The following ANXA8 variants were observed in gnomAD, a reference collection of about 807,000 sequenced individuals.
The protein encoded by ANXA8 is annexin A8.
Under a neutral mutation model 26.8 loss-of-function variants are expected in ANXA8, and 9 were observed. The ratio of observed to expected loss-of-function variants is 0.34; its 90% CI spans 0.20 to 0.59. The LOEUF (loss-of-function observed/expected upper bound fraction) is 0.59. ANXA8 is among the 20% of genes least tolerant of loss of function. ANXA8 has a pLI of 0.84. For synonymous variants in ANXA8, 39 were observed against 94.8 expected, an observed-to-expected ratio of 0.41 and a Z score of 3.42; for missense variants, 83 against 238.5, an observed-to-expected ratio of 0.35 and a Z score of 4.29.
the ANXA8 span, among the ~76,000 whole-genome samples, chr10:47,743,331 T>C: frequency 0.027 from 2,109 of 79,580 alleles, 173 homozygotes; most frequent in African/African-American, 0.056. Flanking sequence ...TATATATACA[T>C]ATATATATAC....
chr10:47,653,702 G>A, the ANXA8 span, among the ~76,000 whole-genome samples: 21 of 149,162 alleles, frequency 1.4e-4, no homozygotes, highest in African/African-American at 5.4e-4. Flanking sequence ...CTGGAGTGCA[G>A]TGGTGCGATC....
chr10:47,702,388 T>G, the ANXA8 span, among the ~76,000 whole-genome samples: 1 of 150,920 alleles, frequency 6.6e-6, no homozygotes, highest in South Asian at 2.1e-4. Flanking sequence ...TCACCCAGTC[T>G]GGAGTGCAGT....
the ANXA8 span, among the ~76,000 whole-genome samples, chr10:47,665,568 T>C: frequency 6.7e-6 from 1 of 150,102 alleles, no homozygotes; most frequent in Non-Finnish European, 1.5e-5. Context: ...AGGCAGGTAC[T>C]GTGTTATATG....
the ANXA8 span, among the ~76,000 whole-genome samples, chr10:47,624,197 G>A: frequency 1.5e-4 from 14 of 90,668 alleles, 2 homozygotes; most frequent in African/African-American, 5.1e-4. Flanking sequence ...AGCCGAGATC[G>A]CGCCACTGCC....
chr10:47,633,785 T>C, the ANXA8 span, among the ~76,000 whole-genome samples: 1 of 150,024 alleles, frequency 6.7e-6, no homozygotes, highest in African/African-American at 2.5e-5. Flanking sequence ...ACTTTAGATT[T>C]ATACCTAACA....
At chr10:47,695,681 T>C in the ANXA8 span, among the ~76,000 whole-genome samples, 2 of 151,856 alleles carry the variant, frequency 1.3e-5, no homozygotes, top group African/African-American at 2.4e-5. Flanking sequence ...TATTTCACTA[T>C]TGTTAATATA....
the ANXA8 span, among the ~76,000 whole-genome samples, chr10:47,570,739 C>T: frequency 3.9e-4 from 59 of 150,822 alleles, 5 homozygotes; most frequent in African/African-American, 1.4e-3. Context: ...TGCCACTGCA[C>T]TCTGGCCTAA....
At chr10:47,557,647 G>C in the ANXA8 span, among the ~76,000 whole-genome samples, 30 of 151,822 alleles carry the variant, frequency 2.0e-4, no homozygotes, top group South Asian at 6.2e-3. Flanking sequence ...ATAAATAGTT[G>C]CTGAAAAGTG....
the ANXA8 span, among the ~76,000 whole-genome samples, chr10:47,588,403 G>T: frequency 7.6e-6 from 1 of 131,656 alleles, no homozygotes; most frequent in Non-Finnish European, 1.5e-5. Flanking sequence ...GATTCCCCGG[G>T]GAGAACTGGA....
the ANXA8 span, among the ~76,000 whole-genome samples, chr10:47,716,048 C>T: frequency 6.7e-6 from 1 of 148,650 alleles, no homozygotes; most frequent in Non-Finnish European, 1.5e-5. Flanking sequence ...TGCATACCAT[C>T]AGTGCATGCC....
the ANXA8 span, among the ~76,000 whole-genome samples, chr10:47,695,426 G>T: frequency 6.6e-6 from 1 of 151,506 alleles, no homozygotes; most frequent in Non-Finnish European, 1.5e-5. Flanking sequence ...GAGGCAAGAT[G>T]ACTTCAGATT....
At chr10:47,519,204 A>G in the ANXA8 span, among the ~76,000 whole-genome samples, 9 of 133,980 alleles carry the variant, frequency 6.7e-5, 2 homozygotes, top group East Asian at 2.5e-3. Flanking sequence ...GCGGTGGCTG[A>G]AGCCTGTAAT....
At chr10:47,733,159 T>C in the ANXA8 span, among the ~76,000 whole-genome samples, 3 of 96,606 alleles carry the variant, frequency 3.1e-5, no homozygotes, top group Admixed American at 1.1e-4. Context: ...CTTTCTTTCT[T>C]TCTTTCTTTC....
the ANXA8 span, among the ~76,000 whole-genome samples, chr10:47,987,961 GC>G: frequency 2.6e-5 from 2 of 76,378 alleles, no homozygotes; most frequent in African/African-American, 1.2e-4. Context: ...GCTTACGAAA[GC>G]CGGGTTAAGA....
At chr10:47,619,311 A>G in the ANXA8 span, among the ~76,000 whole-genome samples, 3 of 113,258 alleles carry the variant, frequency 2.6e-5, 1 homozygote, top group African/African-American at 1.0e-4. Context: ...TTTTTAGAAA[A>G]GAATGACATA....
At chr10:47,710,107 T>TA in the ANXA8 span, 1 of 456,556 alleles carries the variant, frequency 2.2e-6, no homozygotes, top group East Asian at 3.3e-5. Flanking sequence ...AACAAAACTA[T>TA]ATTTTATATC....
the ANXA8 span, among the ~76,000 whole-genome samples, chr10:47,558,200 C>CA: frequency 6.6e-5 from 10 of 152,082 alleles, no homozygotes; most frequent in African/African-American, 2.2e-4. Flanking sequence ...GTACATACGT[C>CA]ATTCTGTCCC....
chr10:47,526,180 C>A, the ANXA8 span, among the ~76,000 whole-genome samples: 2 of 128,930 alleles, frequency 1.6e-5, no homozygotes, highest in Non-Finnish European at 3.2e-5. Context: ...CTCACTGCAA[C>A]CTCCACCTCC....
At chr10:47,677,037 G>A in the ANXA8 span, among the ~76,000 whole-genome samples, 2 of 142,732 alleles carry the variant, frequency 1.4e-5, no homozygotes, top group Non-Finnish European at 1.5e-5. Flanking sequence ...TCTATGGCCA[G>A]CAGAAATAGC....
Sources: gnomAD v4.1 joint callset for allele counts (sites outside exome capture counted in the v4.1 genomes callset) on GRCh38, gnomAD v4.1.1 for gene constraint, MANE v1.5 for transcripts, NCBI Gene and HGNC (gene_info 2026-07-23, HGNC 2026-07-21) for gene names.